The following TNKS variants were observed in gnomAD, a reference collection of about 807,000 sequenced individuals.
The protein encoded by TNKS is tankyrase, also known as poly [ADP-ribose] polymerase tankyrase-1.
A neutral mutation model predicts 135.8 loss-of-function variants in TNKS; 72 were observed. That is an observed-to-expected ratio of 0.53 (90% CI 0.44 to 0.64). The LOEUF is 0.64. Ranked by LOEUF, TNKS falls within the 30% of genes least tolerant of loss-of-function variation. The pLI is 0.00. For synonymous variants in TNKS, 849 were observed against 649.3 expected (o/e 1.31, Z -4.68); for missense variants, 1,769 against 1,674.0 (o/e 1.06, Z -0.99).
chr8:9,679,432 A>G (rs770072683), intron 3 of TNKS, among the ~76,000 whole-genome samples: 1 of 151,868 alleles, frequency 6.6e-6, no homozygotes, highest in Non-Finnish European at 1.5e-5. Flanking sequence ...TGGTTCTGAT[A>G]TTTGCATTTT....
rs1804822039 is a variant in TNKS at position 9,720,500 on chromosome 8, A to G, written c.1876A>G (p.Thr626Ala). The G allele has an allele frequency of 1.2e-6, 2 of 1,614,020 alleles. No homozygotes were observed. The highest frequency in any genetic ancestry group is 1.7e-6 in the Non-Finnish European group (2 of 1,180,002). ...CTCCATCATCTCCTTACAAGGCTTC[A>G]CAGCAGCACAGATGGGCAATGAAGC... The part of the protein sequence containing the change: ...DPSIISLQGF[T>A]AAQMGNEAVQ... Residue 626 changes from threonine to alanine, a missense_variant, in exon 12 of 27, where the codon ACA becomes GCA. Physicochemically the swap from Thr to Ala is moderately conservative, Grantham distance 58 (BLOSUM62 0). Transcript: ENST00000310430.
intron 16 of TNKS, 33 bp downstream of exon 16, chr8:9,735,117 TC>T (rs1247713491): frequency 1.3e-6 from 2 of 1,594,402 alleles, no homozygotes; most frequent in East Asian, 4.5e-5. Flanking sequence ...AGCCTCCTTT[TC>T]CTTTCTCGGA....
intron 3 of TNKS, among the ~76,000 whole-genome samples, chr8:9,678,297 C>T (rs1384515605): frequency 2.0e-5 from 3 of 152,186 alleles, no homozygotes; most frequent in Non-Finnish European, 4.4e-5. Flanking sequence ...TTAAAGTTGA[C>T]TCTCTAACTT....
intron 3 of TNKS, among the ~76,000 whole-genome samples, chr8:9,652,403 G>T (rs994739969): frequency 6.6e-6 from 1 of 152,060 alleles, no homozygotes; most frequent in African/African-American, 2.4e-5. Flanking sequence ...TTAAGGCCCT[G>T]TCTTTTTTTA....
intron 3 of TNKS, among the ~76,000 whole-genome samples, chr8:9,636,639 G>T (rs1585260325): frequency 6.6e-6 from 1 of 152,070 alleles, no homozygotes; most frequent in East Asian, 1.9e-4. Flanking sequence ...AAACTCTTGG[G>T]CATTACATCC....
At chr8:9,593,579 C>G (rs1798666717) in intron 2 of TNKS, among the ~76,000 whole-genome samples, 2 of 152,170 alleles carry the variant, frequency 1.3e-5, no homozygotes, top group Admixed American at 1.3e-4. Context: ...AACCAAAAAA[C>G]TAACCTGTCT....
intron 11 of TNKS, among the ~76,000 whole-genome samples, chr8:9,711,529 T>G (rs1347027430): frequency 6.6e-6 from 1 of 152,208 alleles, no homozygotes; most frequent in Non-Finnish European, 1.5e-5. Context: ...GACATGCTTT[T>G]ATAGTGTAAA....
Position 9,583,569 on chromosome 8 carries a change from A to G in TNKS, c.898+3186A>G, listed in dbSNP as rs560715941. Among the ~76,000 whole-genome samples, 51 of 151,976 alleles carry G rather than the reference A, an allele frequency of 3.4e-4. No homozygotes were observed. The East Asian group carries it at 6.3e-3, about 19-fold the overall frequency. On this transcript the variant is annotated intron_variant, in intron 2 of 26. Transcript: ENST00000310430. ...GGTGGCGCGATCTCTGCTCACTGCG[A>G]ACTCTGCCTCCTGGGTTCAAGTGAT...
chr8:9,753,341 C>A (rs867553128), intron 20 of TNKS, among the ~76,000 whole-genome samples: 1 of 152,132 alleles, frequency 6.6e-6, no homozygotes, highest in Non-Finnish European at 1.5e-5. Flanking sequence ...GACAACTGCA[C>A]TTTTAAAAAA....
intron 5 of TNKS, among the ~76,000 whole-genome samples, chr8:9,692,357 G>C (rs1803316135): frequency 6.6e-6 from 1 of 152,200 alleles, no homozygotes; most frequent in Non-Finnish European, 1.5e-5. Context: ...CCATGTCGCT[G>C]TAAAGGTTCT....
chr8:9,746,361 T>G (rs1806235528), intron 17 of TNKS, among the ~76,000 whole-genome samples: 1 of 152,236 alleles, frequency 6.6e-6, no homozygotes, highest in Admixed American at 6.5e-5. Context: ...GCTTATTTTA[T>G]AAGGATTTTT....
intron 11 of TNKS, among the ~76,000 whole-genome samples, chr8:9,716,195 TTC>T (rs1288711477): frequency 2.0e-5 from 3 of 152,330 alleles, no homozygotes; most frequent in African/African-American, 7.2e-5. Flanking sequence ...ATAGGCTTAT[TTC>T]TCACATTTAG....
At chr8:9,717,072 A>ATTTATATATATATATATAT (rs376229840) in intron 11 of TNKS, among the ~76,000 whole-genome samples, 1 of 79,460 alleles carries the variant, frequency 1.3e-5, no homozygotes, top group Non-Finnish European at 2.5e-5. Context: ...GTTGTATTAT[A>ATTTATATATATATATATAT]ATATATATAT....
At chr8:9,689,892 C>T (rs1015244258) in intron 5 of TNKS, among the ~76,000 whole-genome samples, 6 of 152,168 alleles carry the variant, frequency 3.9e-5, no homozygotes, top group African/African-American at 1.4e-4. Flanking sequence ...CAAGTGGTTT[C>T]TTCTTTCCAG....
At chr8:9,637,896 T>G (rs888095213) in intron 3 of TNKS, among the ~76,000 whole-genome samples, 1 of 152,198 alleles carries the variant, frequency 6.6e-6, no homozygotes, top group African/African-American at 2.4e-5. Flanking sequence ...GTGATTTTAT[T>G]TACTCCTTTT....
chr8:9,731,476 A>AAC (rs1805437294), intron 14 of TNKS, among the ~76,000 whole-genome samples: 5 of 151,034 alleles, frequency 3.3e-5, no homozygotes, highest in Admixed American at 6.6e-5. Flanking sequence ...AAAAAAAAAA[A>AAC]AAAAAAAACA....
rs1213781982 is a variant in TNKS, at chr8:9,727,333, A to G, written c.2001+613A>G. Among the ~76,000 whole-genome samples, 5 of 152,202 alleles carry G rather than the reference A, an allele frequency of 3.3e-5. No individual in the cohort carries two copies. In the East Asian group the frequency reaches 9.6e-4, roughly 29 times the overall value. The stretch of plus-strand genomic sequence containing the variant: ...TCAAATATAGTCATATTCTAATACT[A>G]AGTATGCTTTTTTAAAACACACATT... On this transcript the variant is annotated intron_variant, in intron 13 of 26. Coordinates refer to ENST00000310430, the MANE Select transcript of TNKS (RefSeq NM_003747.3).
intron 1 of TNKS, among the ~76,000 whole-genome samples, chr8:9,559,469 G>T (rs941778780): frequency 3.3e-5 from 5 of 152,026 alleles, no homozygotes; most frequent in Admixed American, 3.3e-4. Context: ...TTAGGTTCAG[G>T]GATTACATGT....
chr8:9,672,438 G>C (rs373092861), intron 3 of TNKS, among the ~76,000 whole-genome samples: 5 of 151,916 alleles, frequency 3.3e-5, no homozygotes, highest in African/African-American at 1.2e-4. Context: ...CTGTGTAGCT[G>C]TGTACACTAA....
Sources: gnomAD v4.1 joint callset for allele counts (sites outside exome capture counted in the v4.1 genomes callset) on GRCh38, gnomAD v4.1.1 for gene constraint, MANE v1.5 for transcripts, NCBI Gene and HGNC (gene_info 2026-07-23, HGNC 2026-07-21) for gene names.